FHIT: variants seen among roughly 807,000 people sequenced by gnomAD.
FHIT encodes fragile histidine triad diadenosine triphosphatase, also known as bis(5'-adenosyl)-triphosphatase.
In FHIT, 19 loss-of-function variants were observed where a neutral mutation model predicts 17.9. The ratio of observed to expected loss-of-function variants is 1.06; its 90% confidence interval spans 0.74 to 1.56. The LOEUF is 1.56. FHIT is among the 40% of genes most tolerant of loss of function. FHIT has a pLI of 0.00. For missense variants in FHIT, 248 were observed against 189.2 expected (o/e 1.31, Z -1.82); for synonymous variants, 81 against 69.7 (o/e 1.16, Z -0.81).
At chr3:61,072,044 A>T (rs1296735427) in intron 2 of FHIT, among the ~76,000 whole-genome samples, 1 of 152,176 alleles carries the variant, frequency 6.6e-6, no homozygotes, top group Non-Finnish European at 1.5e-5. Flanking sequence ...TCCAAGATCC[A>T]GGACTTTAGA....
intron 4 of FHIT, among the ~76,000 whole-genome samples, chr3:60,545,235 C>T (rs1300427933): frequency 6.6e-6 from 1 of 151,842 alleles, no homozygotes; most frequent in Non-Finnish European, 1.5e-5. Flanking sequence ...TTGTGTTTAT[C>T]ATGGTACATG....
chr3:59,886,111 C>T (rs1703612976), intron 8 of FHIT: 1 of 152,218 alleles, frequency 6.6e-6, no homozygotes, highest in Non-Finnish European at 1.5e-5. Context: ...CTTCCTGTGG[C>T]TCTGTGGTTA....
At chr3:60,069,741 C>T (rs1415597754) in intron 5 of FHIT, among the ~76,000 whole-genome samples, 4 of 152,256 alleles carry the variant, frequency 2.6e-5, no homozygotes, top group African/African-American at 9.6e-5. Context: ...ATTCATCCTT[C>T]TCAGCCATCA....
rs575006651 is a variant in FHIT at position 60,506,294 on chromosome 3, A to G, written c.103+30566T>C. Reference sequence around the variant, plus strand: ...AGGTGGGAAGGGATGGATGTATTCCATAGGATCTGTAGCAACAAGTATAAA... The same window carrying G: ...AGGTGGGAAGGGATGGATGTATTCCGTAGGATCTGTAGCAACAAGTATAAA... On this transcript the variant is annotated intron_variant, in intron 5 of 9. Coordinates refer to ENST00000492590, the MANE Select transcript of FHIT (RefSeq NM_002012.4). Among the ~76,000 whole-genome samples, 73 of 152,324 alleles carry G rather than the reference A, an allele frequency of 4.8e-4. 1 individual carries two copies. The highest frequency in any genetic ancestry group is 8.5e-4 in the Non-Finnish European group (58 of 68,030).
intron 4 of FHIT, among the ~76,000 whole-genome samples, chr3:60,546,528 T>C (rs1350413464): frequency 1.3e-5 from 2 of 152,170 alleles, no homozygotes; most frequent in Non-Finnish European, 2.9e-5. Context: ...TTACCCACCA[T>C]CCCTCTCTCC....
At chr3:61,061,280 T>C (rs2034419812) in intron 2 of FHIT, among the ~76,000 whole-genome samples, 2 of 152,184 alleles carry the variant, frequency 1.3e-5, no homozygotes, top group South Asian at 4.1e-4. Flanking sequence ...GTTCCTGTTG[T>C]GATATATGTT....
intron 5 of FHIT, among the ~76,000 whole-genome samples, chr3:60,469,302 G>A (rs984254023): frequency 6.6e-6 from 1 of 151,930 alleles, no homozygotes; most frequent in Non-Finnish European, 1.5e-5. Context: ...GCCCTTTTGA[G>A]GCTATTTTGT....
chr3:60,320,401 GC>G (rs1372524241), intron 5 of FHIT, among the ~76,000 whole-genome samples: 1 of 151,986 alleles, frequency 6.6e-6, no homozygotes, highest in Non-Finnish European at 1.5e-5. Flanking sequence ...CCAAAAAGAA[GC>G]AATAGCAAGT....
intron 5 of FHIT, among the ~76,000 whole-genome samples, chr3:60,396,120 C>A (rs1701430182): frequency 6.6e-6 from 1 of 152,092 alleles, no homozygotes; most frequent in African/African-American, 2.4e-5. Context: ...TATTGTCACT[C>A]GCCAGTTCAG....
At chr3:60,410,343 T>A (rs1329552808) in intron 5 of FHIT, among the ~76,000 whole-genome samples, 1 of 152,166 alleles carries the variant, frequency 6.6e-6, no homozygotes, top group Admixed American at 6.5e-5. Flanking sequence ...AAAGTCTATG[T>A]CTAAAGAGGA....
chr3:59,772,638 G>A (rs955803111), intron 8 of FHIT, among the ~76,000 whole-genome samples: 56 of 152,264 alleles, frequency 3.7e-4, no homozygotes, highest in African/African-American at 1.3e-3. Flanking sequence ...TGCCTCTTCA[G>A]GAGAGGCAAT....
chr3:61,088,615 A>G (rs1340268713), intron 2 of FHIT, among the ~76,000 whole-genome samples: 3 of 152,218 alleles, frequency 2.0e-5, no homozygotes, highest in Non-Finnish European at 2.9e-5. Flanking sequence ...ACAGGAGCCA[A>G]TGAAGGAACC....
intron 2 of FHIT, among the ~76,000 whole-genome samples, chr3:61,180,131 G>T (rs563043330): frequency 6.6e-6 from 1 of 152,098 alleles, no homozygotes; most frequent in Non-Finnish European, 1.5e-5. Context: ...ACCTCTTAGC[G>T]TGCCTTTCCC....
At chr3:60,889,417 C>T (rs1451899542) in intron 3 of FHIT, among the ~76,000 whole-genome samples, 3 of 152,208 alleles carry the variant, frequency 2.0e-5, no homozygotes, top group Non-Finnish European at 4.4e-5. Flanking sequence ...ATATTCGATG[C>T]CGTTTCTTTT....
intron 3 of FHIT, among the ~76,000 whole-genome samples, chr3:60,839,946 A>AT (rs201838444): frequency 0.012 from 1,870 of 150,516 alleles, 37 homozygotes; most frequent in African/African-American, 0.042. Flanking sequence ...CAGTCCAACT[A>AT]TTTTTTTTTT....
intron 5 of FHIT, among the ~76,000 whole-genome samples, chr3:60,407,601 G>A (rs550089294): frequency 5.9e-4 from 90 of 152,100 alleles, no homozygotes; most frequent in Non-Finnish European, 1.0e-3. Flanking sequence ...TGCAACCCCC[G>A]CCTCCACAGT....
intron 7 of FHIT, among the ~76,000 whole-genome samples, chr3:59,936,094 G>A (rs1350490195): frequency 2.0e-5 from 3 of 152,128 alleles, no homozygotes; most frequent in Non-Finnish European, 2.9e-5. Context: ...AAAACAGTCA[G>A]CATTGCAAGG....
At chr3:60,770,652 C>T (rs747257791) in intron 4 of FHIT, among the ~76,000 whole-genome samples, 2 of 152,168 alleles carry the variant, frequency 1.3e-5, no homozygotes, top group Non-Finnish European at 2.9e-5. Flanking sequence ...GTCAGGAAAA[C>T]ATTGTGGTAT....
chr3:60,179,292 G>A (rs1200894692), intron 5 of FHIT, among the ~76,000 whole-genome samples: 3 of 152,146 alleles, frequency 2.0e-5, no homozygotes, highest in African/African-American at 7.2e-5. Context: ...GTTAAGAGAC[G>A]GCAGGGCAGG....
Sources: allele counts gnomAD v4.1 joint callset (sites outside exome capture counted in the v4.1 genomes callset), GRCh38; gene constraint gnomAD v4.1.1; transcripts MANE v1.5; gene names NCBI Gene and HGNC (gene_info 2026-07-23, HGNC 2026-07-21).